PKN2: variants seen among roughly 807,000 people sequenced by gnomAD.
PKN2 encodes the protein serine/threonine-protein kinase N2.
PKN2 carries 38 observed loss-of-function variants against 119.1 expected under a neutral mutation model. That is an observed-to-expected ratio of 0.32 (90% CI 0.25 to 0.42). The LOEUF (loss-of-function observed/expected upper bound fraction) is 0.42, where lower values mean the gene tolerates loss of function less well. Among genes scored for constraint, PKN2 ranks in the 10% least tolerant of loss-of-function variants. The pLI is 1.00. For missense variants in PKN2, 850 were observed against 1,165.1 expected, an observed-to-expected ratio of 0.73 and a Z score of 3.94; for synonymous variants, 390 against 384.9, an observed-to-expected ratio of 1.01 and a Z score of -0.15.
intron 1 of PKN2, among the ~76,000 whole-genome samples, chr1:88,699,269 G>A (rs540815279): frequency 4.6e-5 from 7 of 151,418 alleles, no homozygotes; most frequent in East Asian, 1.9e-4. Flanking sequence ...TTTTTCTTTC[G>A]GCTCACTAAC....
At chr1:88,687,288 A>G (rs1666140830) in intron 1 of PKN2, among the ~76,000 whole-genome samples, 1 of 152,162 alleles carries the variant, frequency 6.6e-6, no homozygotes. Flanking sequence ...AAACTATGTA[A>G]ACTTTGGTGG....
chr1:88,784,154 T>TTTTGG (rs1670471649), intron 6 of PKN2, among the ~76,000 whole-genome samples: 1 of 133,132 alleles, frequency 7.5e-6, no homozygotes, highest in African/African-American at 2.6e-5. Flanking sequence ...TTTTTTTTTT[T>TTTTGG]GGAGAGAGAG....
intron 3 of PKN2, among the ~76,000 whole-genome samples, chr1:88,763,347 C>T (rs897766823): frequency 1.3e-5 from 2 of 152,062 alleles, no homozygotes; most frequent in Non-Finnish European, 2.9e-5. Flanking sequence ...GTGACTCACG[C>T]CTGTAATCCC....
rs758934826 is a variant in PKN2 at position 88,784,785 on chromosome 1, G to A, written c.1132G>A (p.Gly378Arg). The A allele has an allele frequency of 2.5e-6, 4 of 1,610,868 alleles. No individual in the cohort carries two copies. The highest frequency in any genetic ancestry group is 1.7e-5 in the Admixed American group (1 of 59,556). Residue 378 changes from glycine (G) to arginine (R), a missense_variant, in exon 7 of 22, where the codon GGA (glycine) becomes AGA (arginine). Physicochemically the swap from Gly to Arg is moderately radical, Grantham distance 125 (BLOSUM62 -2). This residue lies in a region of PKN2 where 350 missense variants were observed against 511.1 expected (regional missense o/e 0.68). Coordinates refer to ENST00000370521, the MANE Select transcript of PKN2 (RefSeq NM_006256.4). Reference protein sequence around the residue: ...FMSRTSKSKSGSSRNLLKTDD... With the variant: ...FMSRTSKSKSRSSRNLLKTDD... ...GAGCAGAACGAGTAAAAGTAAAAGCGGAAGTAGTCGAAATCTTCTAAAAAC... is the reference window on the plus strand; with the variant it reads ...GAGCAGAACGAGTAAAAGTAAAAGCAGAAGTAGTCGAAATCTTCTAAAAAC...
At chr1:88,773,779 TAAGA>T (rs554132164) in intron 6 of PKN2, among the ~76,000 whole-genome samples, 2 of 151,910 alleles carry the variant, frequency 1.3e-5, no homozygotes, top group African/African-American at 2.4e-5. Flanking sequence ...ACTCCGCCTC[TAAGA>T]AAGAAAGAAA....
At chr1:88,722,543 G>A (rs1450427336) in intron 1 of PKN2, among the ~76,000 whole-genome samples, 1 of 152,114 alleles carries the variant, frequency 6.6e-6, no homozygotes, top group Non-Finnish European at 1.5e-5. Context: ...GAGAGGCTAA[G>A]GCAGGAGAAT....
chr1:88,702,125 A>AT (rs1666795591), intron 1 of PKN2, among the ~76,000 whole-genome samples: 2 of 152,026 alleles, frequency 1.3e-5, no homozygotes, highest in East Asian at 1.9e-4. Flanking sequence ...AGCCCAGCTA[A>AT]TTTTTTGTAT....
intron 17 of PKN2, among the ~76,000 whole-genome samples, chr1:88,823,933 C>T (rs1246372836): frequency 1.4e-5 from 2 of 141,074 alleles, no homozygotes; most frequent in Non-Finnish European, 1.5e-5. Context: ...CGCTTGTACC[C>T]GGGAGGCAGA....
Position 88,684,274 on chromosome 1 carries a change from C to T in PKN2, c.-307C>T, listed in dbSNP as rs894845567. On this transcript the variant is annotated 5_prime_UTR_variant, in exon 1 of 22. Coordinates refer to ENST00000370521, the MANE Select transcript of PKN2 (RefSeq NM_006256.4). ...GGTGCGACAGGAGGAGCTGCAGCCG[C>T]GGCCGCAGCGCCCGCACGGAGAGGC... 6 of 341,774 alleles carry T rather than the reference C, an allele frequency of 1.8e-5. No homozygotes were observed. Among genetic ancestry groups the T allele is most frequent in the Non-Finnish European group, 3.2e-5 (6 of 187,430 alleles). The allele number at this position is 341,774 out of a possible 1,614,324, so 21.2% of individuals were successfully genotyped here.
At chr1:88,714,837 C>A (rs1004577012) in intron 1 of PKN2, among the ~76,000 whole-genome samples, 1 of 152,266 alleles carries the variant, frequency 6.6e-6, no homozygotes, top group Admixed American at 6.5e-5. Context: ...GAGAGGGCAT[C>A]CCTGTCTTGT....
intron 2 of PKN2, among the ~76,000 whole-genome samples, chr1:88,758,108 T>C (rs945244865): frequency 6.6e-6 from 1 of 151,616 alleles, no homozygotes; most frequent in East Asian, 1.9e-4. Context: ...ACTAGATGGT[T>C]CTTTCTGAAG....
chr1:88,816,459 C>A (rs890885755), intron 16 of PKN2, among the ~76,000 whole-genome samples: 51 of 152,084 alleles, frequency 3.4e-4, no homozygotes, highest in African/African-American at 1.0e-3. Flanking sequence ...ATTGGCCAGG[C>A]TGGTCTCAAA....
intron 15 of PKN2, among the ~76,000 whole-genome samples, chr1:88,809,804 A>G (rs1671706746): frequency 6.6e-6 from 1 of 152,098 alleles, no homozygotes; most frequent in Admixed American, 6.6e-5. Flanking sequence ...CCATAGTGTC[A>G]GGGTCTTGGT....
chr1:88,784,921 A>G (rs1358604182), intron 7 of PKN2, 97 bp downstream of exon 7: 1 of 568,848 alleles, frequency 1.8e-6, no homozygotes, highest in Non-Finnish European at 2.8e-6. Context: ...CTTTAAAATT[A>G]TGGTTTTTAT....
At position 88,751,578 on chromosome 1, in the gene PKN2, A is replaced by G. The variant is rs150282185; in HGVS notation, c.350-8644A>G. Among the ~76,000 whole-genome samples the G allele has an allele frequency of 5.3e-4, 81 of 152,240 alleles. 2 individuals are homozygous for G. The East Asian group carries it at 0.015, about 28-fold the overall frequency. On this transcript the variant is annotated intron_variant, in intron 2 of 21. Coordinates refer to ENST00000370521, the MANE Select transcript of PKN2 (RefSeq NM_006256.4). ...TTCTTGAATGGCAAATCACCTTTCTATATTATGTAATAAACTTAGAATACT... is the reference window on the plus strand; with the variant it reads ...TTCTTGAATGGCAAATCACCTTTCTGTATTATGTAATAAACTTAGAATACT...
At chr1:88,695,262 A>T (rs1666496143) in intron 1 of PKN2, among the ~76,000 whole-genome samples, 1 of 152,176 alleles carries the variant, frequency 6.6e-6, no homozygotes, top group Non-Finnish European at 1.5e-5. Context: ...AAAATTAATC[A>T]AATATGATTA....
At position 88,833,442 on chromosome 1, in the gene PKN2, G is replaced by A. The variant is rs1183089997; in HGVS notation, c.2949G>A (p.Trp983Ter). The change falls in exon 22 of 22, where the codon TGG (tryptophan) becomes TGA (stop). Residue 983 changes from tryptophan to a stop codon, truncating the protein, a stop_gained. Coordinates refer to ENST00000370521, the MANE Select transcript of PKN2 (RefSeq NM_006256.4). LOFTEE classifies it high-confidence loss of function. ...GAGATTTTGACTACATTGCTGATTG[G>A]TGTTAAGTTGCTAGACACTGCGAAA... ...MFRDFDYIADWC is the reference protein window; with the variant it reads ...MFRDFDYIAD 7 of 1,612,650 alleles carry A rather than the reference G, an allele frequency of 4.3e-6. No homozygotes were observed. The highest frequency in any genetic ancestry group is 5.9e-6 in the Non-Finnish European group (7 of 1,179,020).
At chr1:88,829,328 ACACCAAC>A in intron 19 of PKN2, 1 of 558,786 alleles carries the variant, frequency 1.8e-6, no homozygotes. Context: ...AGTATTCGCT[ACACCAAC>A]AGCTCCACCG....
At chr1:88,737,874 T>C (rs994019897) in intron 1 of PKN2, among the ~76,000 whole-genome samples, 22 of 152,192 alleles carry the variant, frequency 1.4e-4, no homozygotes, top group African/African-American at 5.1e-4. Context: ...GCATTGTACC[T>C]CTGTCTTTCC....
Sources: gnomAD v4.1 joint callset for allele counts (sites outside exome capture counted in the v4.1 genomes callset) on GRCh38, gnomAD v4.1.1 for gene constraint, gnomAD v4.1.1 regional missense constraint, MANE v1.5 for transcripts, NCBI Gene and HGNC (gene_info 2026-07-23, HGNC 2026-07-21) for gene names.